Variants in SLC9A9 observed in about 807,000 individuals in gnomAD.
SLC9A9 encodes the protein sodium/hydrogen exchanger 9.
A neutral mutation model predicts 77.8 loss-of-function variants in SLC9A9; 62 were observed. The ratio of observed to expected loss-of-function variants is 0.80; its 90% CI spans 0.65 to 0.98. The LOEUF is 0.98. Among genes scored for constraint, SLC9A9 ranks in the 50% least tolerant of loss-of-function variants. The pLI, the probability that SLC9A9 is intolerant of heterozygous loss-of-function variation, is 0.00. For synonymous variants in SLC9A9, 320 were observed against 283.5 expected, an observed-to-expected ratio of 1.13 and a Z score of -1.29; for missense variants, 775 against 774.9, an observed-to-expected ratio of 1.00 and a Z score of 0.00.
intron 9 of SLC9A9, among the ~76,000 whole-genome samples, chr3:143,544,829 T>G (rs1287151249): frequency 6.6e-6 from 1 of 152,218 alleles, no homozygotes; most frequent in African/African-American, 2.4e-5. Flanking sequence ...TAATCCATCT[T>G]AAGTTAGTTT....
At chr3:143,333,160 T>C (rs114829689) in intron 14 of SLC9A9, among the ~76,000 whole-genome samples, 15 of 152,268 alleles carry the variant, frequency 9.9e-5, no homozygotes, top group Non-Finnish European at 2.2e-4. Context: ...TGTATGCACA[T>C]TGCACAATTG....
At chr3:143,559,457 A>G (rs1337491381) in intron 8 of SLC9A9, among the ~76,000 whole-genome samples, 2 of 152,088 alleles carry the variant, frequency 1.3e-5, no homozygotes, top group Non-Finnish European at 2.9e-5. Context: ...TGTAGAAAGG[A>G]TTATTTTCTT....
chr3:143,459,061 A>G (rs1251407453), intron 12 of SLC9A9, among the ~76,000 whole-genome samples: 1 of 151,304 alleles, frequency 6.6e-6, no homozygotes, highest in African/African-American at 2.4e-5. Flanking sequence ...TGTTTTGGTC[A>G]TTGCATTTTC....
intron 12 of SLC9A9, among the ~76,000 whole-genome samples, chr3:143,392,537 A>C (rs986386224): frequency 7.9e-5 from 11 of 138,748 alleles, no homozygotes; most frequent in African/African-American, 2.8e-4. Flanking sequence ...AAGAAACTGC[A>C]TCAACTAACA....
At position 143,586,696 on chromosome 3, in the gene SLC9A9, C is replaced by T. The variant is rs183630935; in HGVS notation, c.756-7973G>A. On this transcript the variant is annotated intron_variant, in intron 6 of 15. Transcript: ENST00000316549. The stretch of plus-strand genomic sequence containing the variant: ...AGAATTGTGTGTACACATCGGAATT[C>T]GTTCTGGCATCTCCCTGCCCATTAT... 1.4e-3 allele frequency among the ~76,000 whole-genome samples: 214 copies of T among 152,304 alleles called. 1 individual carries two copies. Among genetic ancestry groups the T allele is most frequent in the African/African-American group, 4.9e-3 (203 of 41,548 alleles).
intron 4 of SLC9A9, among the ~76,000 whole-genome samples, chr3:143,703,840 A>C (rs769314532): frequency 1.3e-5 from 2 of 152,314 alleles, no homozygotes; most frequent in Admixed American, 1.3e-4. Context: ...AAGAGAATGA[A>C]GACTCAAATA....
intron 5 of SLC9A9, among the ~76,000 whole-genome samples, chr3:143,662,412 A>T (rs1316697856): frequency 6.6e-6 from 1 of 152,224 alleles, no homozygotes; most frequent in Non-Finnish European, 1.5e-5. Flanking sequence ...TGATTTCTGC[A>T]TTTCCAACTG....
chr3:143,733,203 T>G (rs1274930302), intron 4 of SLC9A9, among the ~76,000 whole-genome samples: 2 of 152,058 alleles, frequency 1.3e-5, no homozygotes, highest in East Asian at 1.9e-4. Flanking sequence ...GCCTAGGTTT[T>G]GAGTGTCAAA....
chr3:143,616,920 A>G (rs1183529174), intron 6 of SLC9A9, among the ~76,000 whole-genome samples: 1 of 152,054 alleles, frequency 6.6e-6, no homozygotes, highest in Non-Finnish European at 1.5e-5. Flanking sequence ...CCTGCCTGAG[A>G]GATGATCATG....
At chr3:143,388,721 G>A (rs1000449056) in intron 12 of SLC9A9, among the ~76,000 whole-genome samples, 1 of 152,170 alleles carries the variant, frequency 6.6e-6, no homozygotes, top group Admixed American at 6.5e-5. Flanking sequence ...AATGACAGAT[G>A]CTAGGATATA....
At chr3:143,570,337 T>TA (rs1218549899) in intron 8 of SLC9A9, among the ~76,000 whole-genome samples, 21 of 152,284 alleles carry the variant, frequency 1.4e-4, no homozygotes, top group South Asian at 2.1e-4. Flanking sequence ...TAGCAGTGAT[T>TA]AATAAGATTT....
chr3:143,591,061 A>T (rs2037637021), intron 6 of SLC9A9, among the ~76,000 whole-genome samples: 1 of 151,892 alleles, frequency 6.6e-6, no homozygotes, highest in Admixed American at 6.6e-5. Flanking sequence ...GATAAACCCC[A>T]CTCCCATTAT....
At chr3:143,371,680 G>A (rs150636377) in intron 13 of SLC9A9, among the ~76,000 whole-genome samples, 1 of 152,198 alleles carries the variant, frequency 6.6e-6, no homozygotes, top group East Asian at 1.9e-4. Context: ...TATTTCAGAA[G>A]GATGTAAATT....
intron 1 of SLC9A9, 141 bp from the exon 2 acceptor site, chr3:143,832,362 T>A: frequency 1.4e-6 from 1 of 698,594 alleles, no homozygotes; most frequent in Non-Finnish European, 2.4e-6. Context: ...TGTTCACTTT[T>A]GCATGGATAC....
intron 4 of SLC9A9, among the ~76,000 whole-genome samples, chr3:143,724,711 G>T (rs566994916): frequency 2.0e-5 from 3 of 152,338 alleles, no homozygotes; most frequent in African/African-American, 2.4e-5. Context: ...TGCTTCTGAT[G>T]AGAAGAGTCT....
intron 14 of SLC9A9, among the ~76,000 whole-genome samples, chr3:143,311,733 C>A (rs915103806): frequency 2.0e-5 from 3 of 152,140 alleles, no homozygotes; most frequent in Admixed American, 6.5e-5. Context: ...ATTATGGTGA[C>A]AAGGGCGGGG....
At chr3:143,688,167 T>G (rs1388101388) in intron 5 of SLC9A9, among the ~76,000 whole-genome samples, 1 of 151,934 alleles carries the variant, frequency 6.6e-6, no homozygotes, top group Non-Finnish European at 1.5e-5. Flanking sequence ...TTCAGGCTGA[T>G]CTAGAACTCT....
At chr3:143,715,673 C>A (rs917239521) in intron 4 of SLC9A9, among the ~76,000 whole-genome samples, 1 of 152,014 alleles carries the variant, frequency 6.6e-6, no homozygotes, top group Admixed American at 6.5e-5. Flanking sequence ...CAAATGAAAG[C>A]CATGAAAAGA....
intron 8 of SLC9A9, among the ~76,000 whole-genome samples, chr3:143,568,283 C>T (rs553138100): frequency 1.8e-3 from 278 of 152,110 alleles, no homozygotes; most frequent in Non-Finnish European, 3.1e-3. Context: ...CTTCAGATGT[C>T]CTAATTCTCT....
Sources: allele counts gnomAD v4.1 joint callset (sites outside exome capture counted in the v4.1 genomes callset), GRCh38; gene constraint gnomAD v4.1.1; transcripts MANE v1.5; gene names NCBI Gene and HGNC (gene_info 2026-07-23, HGNC 2026-07-21).